The following CSMD1 variants were observed in gnomAD, a reference collection of about 807,000 sequenced individuals.
CSMD1 encodes CUB and Sushi multiple domains 1.
Under a neutral mutation model 417.5 loss-of-function variants are expected in CSMD1, and 213 were observed. That is an observed-to-expected ratio of 0.51 (90% CI 0.46 to 0.57). The LOEUF is 0.57. CSMD1 is among the 20% of genes least tolerant of loss of function. The probability of loss-of-function intolerance (pLI) is 0.00; values close to 1 mark genes in which losing one functional copy is unlikely to be tolerated. For missense variants in CSMD1, 6,923 were observed against 4,529.7 expected (o/e 1.53, Z -15.17); for synonymous variants, 2,862 against 1,736.8 (o/e 1.65, Z -16.11).
intron 1 of CSMD1, among the ~76,000 whole-genome samples, chr8:4,686,991 C>T (rs1320634542): frequency 6.6e-6 from 1 of 152,198 alleles, no homozygotes; most frequent in Non-Finnish European, 1.5e-5. Flanking sequence ...GTGGCAAGAC[C>T]ACTCATGATG....
intron 7 of CSMD1, among the ~76,000 whole-genome samples, chr8:3,643,724 G>GAAAAAAAAAAAAAAAAAAA (rs1431798280): frequency 5.0e-5 from 6 of 120,818 alleles, no homozygotes; most frequent in East Asian, 4.8e-4. Flanking sequence ...AAAAAAAAAG[G>GAAAAAAAAAAAAAAAAAAA]AAATGCCTCC....
chr8:3,876,227 C>A lies in CSMD1; in HGVS notation c.818+121676G>T, dbSNP rs76462627. On this transcript the variant is annotated intron_variant, in intron 5 of 69. Coordinates refer to ENST00000635120, the MANE Select transcript of CSMD1 (RefSeq NM_033225.6). The stretch of plus-strand genomic sequence containing the variant: ...GGAAAACTCCTCTCACCCCTGATAT[C>A]GCTAAGCCAGACGTTTAAAATCAAA... Among the ~76,000 whole-genome samples the A allele has an allele frequency of 5.9e-3, 900 of 152,274 alleles. 1 individual carries two copies. The highest frequency in any genetic ancestry group is 0.01 in the Non-Finnish European group (699 of 68,028).
intron 1 of CSMD1, among the ~76,000 whole-genome samples, chr8:4,672,800 A>G (rs1009472925): frequency 6.6e-6 from 1 of 152,058 alleles, no homozygotes; most frequent in Non-Finnish European, 1.5e-5. Context: ...ACTTACACTC[A>G]CATGCATGGT....
intron 7 of CSMD1, among the ~76,000 whole-genome samples, chr8:3,619,804 G>C (rs542322355): frequency 6.6e-6 from 1 of 152,130 alleles, no homozygotes; most frequent in Non-Finnish European, 1.5e-5. Flanking sequence ...GGCTGGGCAC[G>C]GTGGCTCACA....
At chr8:3,298,821 G>T (rs1351449658) in intron 25 of CSMD1, among the ~76,000 whole-genome samples, 1 of 152,160 alleles carries the variant, frequency 6.6e-6, no homozygotes, top group Non-Finnish European at 1.5e-5. Flanking sequence ...TTGTCCTGGA[G>T]AAGAGACAAT....
At chr8:4,987,311 T>G (rs188106929) in intron 1 of CSMD1, among the ~76,000 whole-genome samples, 4 of 152,338 alleles carry the variant, frequency 2.6e-5, no homozygotes, top group African/African-American at 2.4e-5. Flanking sequence ...AAACTGTGTG[T>G]CATGCCCACC....
At chr8:3,298,269 G>T (rs944405042) in intron 25 of CSMD1, among the ~76,000 whole-genome samples, 1 of 152,120 alleles carries the variant, frequency 6.6e-6, no homozygotes, top group South Asian at 2.1e-4. Context: ...ACATTCACCA[G>T]GTAACATGTC....
intron 3 of CSMD1, among the ~76,000 whole-genome samples, chr8:4,192,570 G>C (rs1799091320): frequency 1.3e-5 from 2 of 152,100 alleles, no homozygotes; most frequent in African/African-American, 2.4e-5. Context: ...CAGCTAGTGG[G>C]TATTTTACTC....
intron 7 of CSMD1, among the ~76,000 whole-genome samples, chr8:3,640,422 G>A (rs1010048814): frequency 6.6e-6 from 1 of 152,156 alleles, no homozygotes; most frequent in Non-Finnish European, 1.5e-5. Flanking sequence ...AAAGACCAGA[G>A]ACCATCTTTC....
intron 3 of CSMD1, among the ~76,000 whole-genome samples, chr8:4,034,627 A>T (rs983919471): frequency 6.6e-6 from 1 of 152,192 alleles, no homozygotes; most frequent in Non-Finnish European, 1.5e-5. Context: ...TCTTACAGTC[A>T]AAGACACACG....
At chr8:3,544,014 A>G (rs1048958736) in intron 10 of CSMD1, among the ~76,000 whole-genome samples, 3 of 152,098 alleles carry the variant, frequency 2.0e-5, no homozygotes, top group Non-Finnish European at 2.9e-5. Context: ...GAGTCTAAGT[A>G]GGTAATAAAA....
chr8:4,902,443 A>AG (rs1441990622), intron 1 of CSMD1, among the ~76,000 whole-genome samples: 2 of 151,928 alleles, frequency 1.3e-5, no homozygotes, highest in Non-Finnish European at 2.9e-5. Context: ...AGAAAAAAAA[A>AG]AAAGAAAGGA....
intron 3 of CSMD1, among the ~76,000 whole-genome samples, chr8:4,063,122 T>C (rs909812557): frequency 1.3e-5 from 2 of 152,180 alleles, no homozygotes; most frequent in African/African-American, 4.8e-5. Flanking sequence ...TAGCTAATAA[T>C]TTATTGTGTA....
intron 7 of CSMD1, among the ~76,000 whole-genome samples, chr8:3,683,574 G>C (rs1288388874): frequency 6.6e-6 from 1 of 152,130 alleles, no homozygotes; most frequent in Non-Finnish European, 1.5e-5. Context: ...AATGAAATAT[G>C]TTTAAAGCAC....
At chr8:3,546,077 C>T (rs1798647216) in intron 10 of CSMD1, among the ~76,000 whole-genome samples, 1 of 152,162 alleles carries the variant, frequency 6.6e-6, no homozygotes, top group Non-Finnish European at 1.5e-5. Context: ...ACAGCCCTTG[C>T]TAACAAATGT....
intron 1 of CSMD1, among the ~76,000 whole-genome samples, chr8:4,928,625 C>A (rs770293539): frequency 9.9e-5 from 15 of 152,162 alleles, no homozygotes; most frequent in Non-Finnish European, 1.9e-4. Flanking sequence ...AAGTAACTGG[C>A]TCATAGTAAG....
At chr8:4,212,751 C>CTTTTTTCTTTTT (rs1554495827) in intron 3 of CSMD1, among the ~76,000 whole-genome samples, 3 of 99,230 alleles carry the variant, frequency 3.0e-5, no homozygotes, top group African/African-American at 1.3e-4. Context: ...CGGCCTTATT[C>CTTTTTTCTTTTT]TTTTTTTTTT....
intron 3 of CSMD1, among the ~76,000 whole-genome samples, chr8:4,302,101 T>C (rs1798008833): frequency 6.6e-6 from 1 of 152,236 alleles, no homozygotes; most frequent in African/African-American, 2.4e-5. Context: ...TAGTTCATCA[T>C]GTTCATTATG....
chr8:4,554,980 C>T (rs780487115), intron 2 of CSMD1, among the ~76,000 whole-genome samples: 2 of 152,128 alleles, frequency 1.3e-5, no homozygotes, highest in Non-Finnish European at 2.9e-5. Flanking sequence ...GCCACCAGGG[C>T]CCCTGAGGAA....
Sources: gnomAD v4.1 joint callset for allele counts (sites outside exome capture counted in the v4.1 genomes callset) on GRCh38, gnomAD v4.1.1 for gene constraint, MANE v1.5 for transcripts, NCBI Gene and HGNC (gene_info 2026-07-23, HGNC 2026-07-21) for gene names.